OSMR: variants seen among roughly 807,000 people sequenced by gnomAD.
OSMR encodes the protein oncostatin-M-specific receptor subunit beta.
In OSMR, 81 loss-of-function variants were observed where a neutral mutation model predicts 99.9. The observed-to-expected ratio is 0.81, with a 90% CI of 0.68 to 0.97. The LOEUF (loss-of-function observed/expected upper bound fraction) is 0.97. OSMR is among the 50% of genes least tolerant of loss of function. The pLI, the probability that OSMR is intolerant of heterozygous loss-of-function variation, is 0.00. For synonymous variants in OSMR, 406 were observed against 410.4 expected (o/e 0.99, Z 0.13); for missense variants, 1,099 against 1,153.4 (o/e 0.95, Z 0.68).
chr5:38,918,614 T>C, intron 10 of OSMR: 1 of 382,990 alleles, frequency 2.6e-6, no homozygotes. Flanking sequence ...CATAATGCTC[T>C]TGAGGCTCTT....
rs1561400553 is a variant in OSMR, at chr5:38,917,594, G to C, written c.1334G>C (p.Gly445Ala). 2 of 1,613,522 alleles carry C rather than the reference G, an allele frequency of 1.2e-6. No individual in the cohort carries two copies. The highest frequency in any genetic ancestry group is 3.3e-5 in the Admixed American group (2 of 60,006). Reference sequence around the variant, plus strand: ...TGGAGAATTGTGAGCTTGGAGCCAGGAAATCATACTGTGACCTTATTCTGG... The same window carrying C: ...TGGAGAATTGTGAGCTTGGAGCCAGCAAATCATACTGTGACCTTATTCTGG... ...DVWRIVSLEP[G>A]NHTVTLFWKP... The change falls in exon 10 of 18, where the codon GGA (glycine) becomes GCA (alanine). Residue 445 changes from glycine to alanine, a missense_variant. Physicochemically the swap from Gly to Ala is moderately conservative, Grantham distance 60. Coordinates refer to ENST00000274276, the MANE Select transcript of OSMR (RefSeq NM_003999.3).
intron 15 of OSMR, among the ~76,000 whole-genome samples, chr5:38,926,795 C>T (rs780640011): frequency 4.6e-5 from 7 of 152,212 alleles, no homozygotes; most frequent in Admixed American, 6.5e-5. Flanking sequence ...CCCCCAAGGT[C>T]TTAGCTCATT....
chr5:38,898,301 A>G (rs1744655109), intron 7 of OSMR, among the ~76,000 whole-genome samples: 1 of 152,186 alleles, frequency 6.6e-6, no homozygotes, highest in Non-Finnish European at 1.5e-5. Context: ...GTATATATTT[A>G]TAATTGTCAT....
chr5:38,863,044 A>G (rs1741604727), intron 1 of OSMR, among the ~76,000 whole-genome samples: 1 of 151,916 alleles, frequency 6.6e-6, no homozygotes, highest in East Asian at 1.9e-4. Flanking sequence ...TGCGCCTGCA[A>G]TCTCAGGCAC....
intron 1 of OSMR, among the ~76,000 whole-genome samples, chr5:38,864,049 G>A (rs1417591617): frequency 6.6e-6 from 1 of 151,956 alleles, no homozygotes; most frequent in African/African-American, 2.4e-5. Flanking sequence ...TATCTTTATG[G>A]GTAAAGTTTG....
At chr5:38,870,220 G>A (rs1411026877) in intron 2 of OSMR, among the ~76,000 whole-genome samples, 1 of 151,966 alleles carries the variant, frequency 6.6e-6, no homozygotes, top group African/African-American at 2.4e-5. Flanking sequence ...TGGGAATTAG[G>A]ATTTCTCATT....
At chr5:38,867,283 G>A (rs1227013965) in intron 1 of OSMR, among the ~76,000 whole-genome samples, 4 of 152,156 alleles carry the variant, frequency 2.6e-5, no homozygotes, top group African/African-American at 9.7e-5. Flanking sequence ...CTATAGACAG[G>A]TCTGACCACC....
At chr5:38,906,302 A>G (rs1213857584) in intron 9 of OSMR, among the ~76,000 whole-genome samples, 3 of 152,120 alleles carry the variant, frequency 2.0e-5, no homozygotes, top group Admixed American at 1.3e-4. Context: ...GCTTTTGATG[A>G]TGACAAGAAA....
intron 7 of OSMR, among the ~76,000 whole-genome samples, chr5:38,898,233 A>G (rs549080043): frequency 1.2e-4 from 19 of 152,228 alleles, no homozygotes; most frequent in Non-Finnish European, 2.4e-4. Flanking sequence ...ATTAGGGTCC[A>G]TCGTTCTCTG....
In OSMR at chr5:38,885,386, C is replaced by A; in HGVS notation, c.741C>A (p.Thr247=). ...LEEPKDFSCE[T]EDFKTLHCTW... ...AGCCCAAGGACTTTTCTTGTGAAAC[C>A]GAGGACTTCAAGACTTTGCACTGTA... The change falls in exon 6 of 18, where the codon ACC becomes ACA. Residue 247 remains threonine, a synonymous_variant. Coordinates refer to ENST00000274276, the MANE Select transcript of OSMR (RefSeq NM_003999.3). 1.9e-6 allele frequency: 3 copies of A among 1,613,774 alleles called. No homozygotes were observed. Among genetic ancestry groups the A allele is most frequent in the Non-Finnish European group, 2.5e-6 (3 of 1,179,836 alleles).
At chr5:38,867,223 A>G (rs1742018138) in intron 1 of OSMR, among the ~76,000 whole-genome samples, 1 of 152,134 alleles carries the variant, frequency 6.6e-6, no homozygotes, top group Non-Finnish European at 1.5e-5. Context: ...AGGAATATAA[A>G]CAAAACCTGT....
chr5:38,924,558 G>A lies in OSMR; in HGVS notation c.2007G>A (p.Arg669=), dbSNP rs1746384526. The stretch of plus-strand genomic sequence containing the variant: ...ATGTCTATCTGAAATCCAAGGCGAG[G>A]CAGTGCCACCCACGATTTGAAAAGG... ...GYHVYLKSKA[R]QCHPRFEKAV... is the part of the protein sequence containing the mutation. The change falls in exon 14 of 18, where the codon AGG becomes AGA. Residue 669 remains arginine, a synonymous_variant. Transcript: ENST00000274276. The A allele has an allele frequency of 6.2e-7, 1 of 1,613,958 alleles. No homozygotes were observed.
rs117836019 is a variant in OSMR at position 38,904,812 on chromosome 5, C to T, written c.1285+309C>T. On this transcript the variant is annotated intron_variant, in intron 9 of 17. Coordinates refer to ENST00000274276, the MANE Select transcript of OSMR (RefSeq NM_003999.3). ...TGGAGCTATATAAATTAGTATACAC[C>T]TTTAATTCAGGACAGTGGAAGTGTT... is the stretch of plus-strand genomic sequence containing the variant. Among the ~76,000 whole-genome samples, 94 of 152,270 alleles carry T rather than the reference C, an allele frequency of 6.2e-4. No homozygotes were observed. The East Asian group carries it at 0.017, about 28-fold the overall frequency.
intron 1 of OSMR, among the ~76,000 whole-genome samples, chr5:38,862,659 C>G (rs1489464110): frequency 1.4e-5 from 2 of 145,348 alleles, no homozygotes; most frequent in Non-Finnish European, 3.1e-5. Context: ...AGGGCAGAGG[C>G]GCTCCCCACA....
In OSMR at chr5:38,876,193, CT is replaced by C. The variant is rs772067729; in HGVS notation, c.74-4del. 17 of 1,608,854 alleles carry C rather than the reference CT, an allele frequency of 1.1e-5. No individual in the cohort carries two copies. Among genetic ancestry groups the C allele is most frequent in the Non-Finnish European group, 1.4e-5 (16 of 1,175,552 alleles). ...ATATTATTTCATACTTCATTTTGAT[CT>C]TTTCAGTCTTGGCTGAACGTTTACC... On this transcript the variant is annotated splice_region_variant and splice_polypyrimidine_tract_variant and intron_variant, in intron 2 of 17. Coordinates refer to ENST00000274276, the MANE Select transcript of OSMR (RefSeq NM_003999.3).
intron 5 of OSMR, chr5:38,885,119 C>A: frequency 1.2e-6 from 1 of 865,324 alleles, no homozygotes; most frequent in Non-Finnish European, 1.4e-6. Context: ...CATGGACCAT[C>A]CATGCCCATG....
chr5:38,917,712 G>T, intron 10 of OSMR, 90 bp downstream of exon 10: 1 of 1,054,596 alleles, frequency 9.5e-7, no homozygotes, highest in East Asian at 2.5e-5. Context: ...CTGTGGATTG[G>T]TTCAGTGTCC....
rs567240970 is a variant in OSMR, at chr5:38,931,841, A to G, written c.2213-42A>G. The G allele has an allele frequency of 6.3e-6, 10 of 1,582,948 alleles. No homozygotes were observed. In the South Asian group the frequency reaches 1.0e-4, roughly 16 times the overall value. On this transcript the variant is annotated intron_variant, in intron 15 of 17. Transcript: ENST00000274276. ...TGTATTTATTCCTTTGAGGAAGGGA[A>G]AAGTACTTATTAAAAATGTCCCTTT... is the stretch of plus-strand genomic sequence containing the variant.
intron 9 of OSMR, among the ~76,000 whole-genome samples, chr5:38,906,184 A>G (rs1241190046): frequency 6.6e-6 from 1 of 151,362 alleles, no homozygotes; most frequent in African/African-American, 2.4e-5. Context: ...TTTTTTTTGA[A>G]AATTTATTCC....
Sources: allele counts gnomAD v4.1 joint callset (sites outside exome capture counted in the v4.1 genomes callset), GRCh38; gene constraint gnomAD v4.1.1; transcripts MANE v1.5; gene names NCBI Gene and HGNC (gene_info 2026-07-23, HGNC 2026-07-21).